Variants in SLCO1B3 observed in about 807,000 individuals in gnomAD.
SLCO1B3 encodes the protein liver-specific organic anion transporter 2.
In SLCO1B3, 72 loss-of-function variants were observed where a neutral mutation model predicts 71.8. The ratio of observed to expected loss-of-function variants is 1.00; its 90% CI spans 0.83 to 1.22. SLCO1B3 has a LOEUF of 1.22. Ranked by LOEUF, SLCO1B3 falls within the 50% of genes most tolerant of loss-of-function variation. The pLI is 0.00. For missense variants in SLCO1B3, 911 were observed against 819.7 expected, an observed-to-expected ratio of 1.11 and a Z score of -1.36; for synonymous variants, 298 against 278.4, an observed-to-expected ratio of 1.07 and a Z score of -0.70.
At chr12:20,862,579 A>G (rs1345046404) in intron 7 of SLCO1B3, 21 bp downstream of exon 7, 4 of 1,573,530 alleles carry the variant, frequency 2.5e-6, no homozygotes, top group Non-Finnish European at 3.5e-6. Flanking sequence ...GAATATATTA[A>G]ATTTCATGAT....
intron 3 of SLCO1B3, among the ~76,000 whole-genome samples, chr12:20,816,167 C>T (rs911368249): frequency 2.6e-5 from 4 of 152,028 alleles, no homozygotes; most frequent in African/African-American, 7.2e-5. Context: ...ATGAACAATG[C>T]GGCATCCATT....
At chr12:20,901,512 C>A in intron 15 of SLCO1B3, 45 bp downstream of exon 15, 2 of 1,002,972 alleles carry the variant, frequency 2.0e-6, no homozygotes, top group Non-Finnish European at 3.0e-6. Context: ...TTTTCTTTGT[C>A]TATGTTAATG....
chr12:20,852,219 A>G (rs1328736124), intron 3 of SLCO1B3, among the ~76,000 whole-genome samples: 1 of 152,166 alleles, frequency 6.6e-6, no homozygotes, highest in East Asian at 1.9e-4. Flanking sequence ...TCATACCTGT[A>G]TCCCCAGGGC....
chr12:20,904,674 C>T (rs1267850351), intron 15 of SLCO1B3, among the ~76,000 whole-genome samples: 1 of 150,056 alleles, frequency 6.7e-6, no homozygotes, highest in African/African-American at 2.5e-5. Context: ...TCCAACCCCA[C>T]ATTTTCTCTC....
intron 13 of SLCO1B3, among the ~76,000 whole-genome samples, chr12:20,897,177 G>A (rs903517239): frequency 1.3e-5 from 2 of 152,200 alleles, no homozygotes; most frequent in Non-Finnish European, 2.9e-5. Context: ...TGCTAACAAA[G>A]TGCTGCTGTC....
In SLCO1B3 at chr12:20,883,606, A is replaced by C; in HGVS notation, c.1682+4A>C. 2 of 1,566,254 alleles carry C rather than the reference A, an allele frequency of 1.3e-6. No homozygotes were observed. Among genetic ancestry groups the C allele is most frequent in the East Asian group, 2.4e-5 (1 of 42,002 alleles). On this transcript the variant is annotated splice_donor_region_variant and intron_variant, in intron 13 of 15. Coordinates refer to ENST00000381545, the MANE Select transcript of SLCO1B3 (RefSeq NM_019844.4). ...CATTTATCTTGTTGACTGTGAAGTA[A>C]GTATGATCCTGTAAAACATTGTCAT...
chr12:20,915,197 T>C lies in SLCO1B3; in HGVS notation c.1866-807T>C, dbSNP rs1866467052. ...TCTGTTTTTTCTTTCTTTTGTCTTA[T>C]TTTTCTTTGCTTTTTTTATTGATAT... is the stretch of plus-strand genomic sequence containing the variant. On this transcript the variant is annotated intron_variant, in intron 15 of 15. Transcript: ENST00000381545. Among the ~76,000 whole-genome samples the C allele has an allele frequency of 3.9e-5, 6 of 152,132 alleles. 1 individual carries two copies. The highest frequency in any genetic ancestry group is 3.9e-4 in the Admixed American group (6 of 15,268).
At chr12:20,844,513 A>G (rs1404896171) in intron 3 of SLCO1B3, among the ~76,000 whole-genome samples, 1 of 151,734 alleles carries the variant, frequency 6.6e-6, no homozygotes, top group African/African-American at 2.4e-5. Flanking sequence ...GGTTGCAGTG[A>G]GCCGAGATCA....
chr12:20,898,574 A>G lies in SLCO1B3; in HGVS notation c.1747+74A>G, dbSNP rs1009227659. ...TAAATACTAAAGACTGAATGCAATT[A>G]ATTTTCAACTATAAGACTGTATAAA... On this transcript the variant is annotated intron_variant, in intron 14 of 15. Transcript: ENST00000381545. 12 of 684,104 alleles carry G rather than the reference A, an allele frequency of 1.8e-5. No homozygotes were observed. In the African/African-American group the frequency reaches 2.0e-4, roughly 12 times the overall value. 42.4% of individuals were successfully genotyped at this position (684,104 alleles called of 1,614,324 possible).
intron 8 of SLCO1B3, among the ~76,000 whole-genome samples, chr12:20,873,602 T>A (rs568329008): frequency 2.4e-3 from 360 of 152,334 alleles, no homozygotes; most frequent in African/African-American, 8.1e-3. Context: ...GAGCATTTTT[T>A]AAAAATTTTA....
At chr12:20,853,061 A>G (rs2121215125) in intron 3 of SLCO1B3, among the ~76,000 whole-genome samples, 1 of 152,182 alleles carries the variant, frequency 6.6e-6, no homozygotes, top group East Asian at 1.9e-4. Flanking sequence ...GTGATGTATT[A>G]TGCTGATTTA....
chr12:20,880,798 C>T (rs745769633), intron 11 of SLCO1B3, 57 bp from the exon 12 acceptor site: 31 of 1,259,456 alleles, frequency 2.5e-5, no homozygotes, highest in Non-Finnish European at 3.4e-5. Context: ...CCCTCTTCTG[C>T]TCTTTCTCTA....
chr12:20,826,113 A>G (rs1864415316), intron 3 of SLCO1B3, among the ~76,000 whole-genome samples: 1 of 152,204 alleles, frequency 6.6e-6, no homozygotes, highest in Admixed American at 6.5e-5. Flanking sequence ...AGTTAGATAT[A>G]GAAAGAGTGT....
intron 3 of SLCO1B3, among the ~76,000 whole-genome samples, chr12:20,829,963 T>C (rs1358543258): frequency 1.3e-5 from 2 of 152,198 alleles, no homozygotes; most frequent in Non-Finnish European, 2.9e-5. Flanking sequence ...GCTCCTTTAC[T>C]GCAACCTGTT....
chr12:20,871,167 T>A (rs1220588813), intron 8 of SLCO1B3, among the ~76,000 whole-genome samples: 1 of 152,170 alleles, frequency 6.6e-6, no homozygotes, highest in Non-Finnish European at 1.5e-5. Flanking sequence ...TTTGTTTGAT[T>A]TTGGTATCAG....
At chr12:20,834,363 T>G (rs1864625291) in intron 3 of SLCO1B3, among the ~76,000 whole-genome samples, 1 of 114,506 alleles carries the variant, frequency 8.7e-6, no homozygotes, top group African/African-American at 2.6e-5. Context: ...TTCATATACG[T>G]GGAGACTATA....
intron 3 of SLCO1B3, among the ~76,000 whole-genome samples, chr12:20,828,569 A>G (rs1321642362): frequency 6.6e-6 from 1 of 152,038 alleles, no homozygotes; most frequent in African/African-American, 2.4e-5. Context: ...TTCTCAGCCA[A>G]CTGAGAAGAA....
At chr12:20,829,257 TA>T (rs1565580138) in intron 3 of SLCO1B3, among the ~76,000 whole-genome samples, 1 of 152,140 alleles carries the variant, frequency 6.6e-6, no homozygotes, top group African/African-American at 2.4e-5. Flanking sequence ...TTTTAGTAAT[TA>T]AGGAGAATTT....
At chr12:20,826,693 T>G (rs539815207) in intron 3 of SLCO1B3, among the ~76,000 whole-genome samples, 30 of 152,028 alleles carry the variant, frequency 2.0e-4, no homozygotes, top group Non-Finnish European at 3.8e-4. Flanking sequence ...AAAAAAAAAT[T>G]AATCACACAA....
Sources: gnomAD v4.1 joint callset for allele counts (sites outside exome capture counted in the v4.1 genomes callset) on GRCh38, gnomAD v4.1.1 for gene constraint, MANE v1.5 for transcripts, NCBI Gene and HGNC (gene_info 2026-07-23, HGNC 2026-07-21) for gene names.